Variants in SYNE1 observed in about 807,000 individuals in gnomAD.
SYNE1 encodes the protein nesprin-1.
Under a neutral mutation model 1,111.0 loss-of-function variants are expected in SYNE1, and 616 were observed. The observed-to-expected ratio is 0.55, with a 90% CI of 0.52 to 0.59. The LOEUF (loss-of-function observed/expected upper bound fraction) is 0.59. SYNE1 is among the 20% of genes least tolerant of loss of function. The pLI is 0.00. For synonymous variants in SYNE1, 3,855 were observed against 3,825.8 expected, an observed-to-expected ratio of 1.01 and a Z score of -0.28; for missense variants, 10,006 against 10,417.0, an observed-to-expected ratio of 0.96 and a Z score of 1.72.
In SYNE1 at chr6:152,390,310, T is replaced by C. The variant is rs755463414; in HGVS notation, c.8147A>G (p.Asp2716Gly). 2.0e-5 allele frequency: 32 copies of C among 1,613,998 alleles called. No homozygotes were observed. Among genetic ancestry groups the C allele is most frequent in the Non-Finnish European group, 2.7e-5 (32 of 1,180,006 alleles). The change falls in exon 53 of 146, where the codon GAC becomes GGC. Residue 2716 changes from aspartate (D) to glycine (G), a missense_variant. By Grantham distance (94) the Asp-to-Gly change is moderately conservative. This residue lies in a region of SYNE1 where 4,955 missense variants were observed against 5,017.2 expected (regional missense o/e 0.99). Coordinates refer to ENST00000367255, the MANE Select transcript of SYNE1 (RefSeq NM_182961.4). Reference sequence around the variant, plus strand: ...AGCGTGGACGGAGGAGCTCATGATGTCAGCCCACACTTCTTTAAGGGTCTC... The same window carrying C: ...AGCGTGGACGGAGGAGCTCATGATGCCAGCCCACACTTCTTTAAGGGTCTC... ...QLETLKEVWA[D>G]IMSSSVHAQS...
Position 152,436,023 on chromosome 6 carries a change from G to A in SYNE1, c.4228C>T (p.Pro1410Ser), listed in dbSNP as rs767071226. 1 of 1,613,916 alleles carries A rather than the reference G, an allele frequency of 6.2e-7. No individual in the cohort carries two copies. The highest frequency in any genetic ancestry group is 8.5e-7 in the Non-Finnish European group (1 of 1,180,024). ...TGTTGAAGCAGCTGCTTATTTTGGG[G>A]CCCAAGCGGTATCTCTGAAGCTTCC... ...VKEASEIPLG[P>S]QNKQLLQQQA... Residue 1410 changes from proline to serine, a missense_variant, in exon 33 of 146, where the codon CCC (proline) becomes TCC (serine). Transcript: ENST00000367255.
intron 128 of SYNE1, among the ~76,000 whole-genome samples, chr6:152,186,491 G>T (rs1291374932): frequency 6.0e-5 from 8 of 134,346 alleles, no homozygotes; most frequent in African/African-American, 1.9e-4. Context: ...AGGAGGTGGA[G>T]TCTGCGGTGA....
chr6:152,587,547 C>G (rs1004152192), intron 3 of SYNE1, among the ~76,000 whole-genome samples: 1 of 152,126 alleles, frequency 6.6e-6, no homozygotes, highest in Non-Finnish European at 1.5e-5. Flanking sequence ...AATGAAAAAA[C>G]TAATGAAAAA....
chr6:152,241,847 G>A (rs1247414366), intron 107 of SYNE1, among the ~76,000 whole-genome samples: 1 of 152,084 alleles, frequency 6.6e-6, no homozygotes, highest in African/African-American at 2.4e-5. Context: ...GGGACCAGGT[G>A]GACAAATGGG....
chr6:152,516,959 G>A (rs1594483789), intron 6 of SYNE1, among the ~76,000 whole-genome samples: 2 of 152,158 alleles, frequency 1.3e-5, no homozygotes, highest in South Asian at 2.1e-4. Flanking sequence ...AGGGTGAGCA[G>A]AAAGAAGAGA....
At chr6:152,212,408 T>C (rs932309704) in intron 123 of SYNE1, among the ~76,000 whole-genome samples, 4 of 152,192 alleles carry the variant, frequency 2.6e-5, no homozygotes, top group Non-Finnish European at 5.9e-5. Flanking sequence ...TTTCTTTCCC[T>C]TGGCATAATG....
intron 117 of SYNE1, among the ~76,000 whole-genome samples, chr6:152,223,199 T>C (rs1410983805): frequency 6.6e-6 from 1 of 152,238 alleles, no homozygotes. Context: ...AGTTATAAGA[T>C]GTGCTTTTAA....
At chr6:152,256,865 C>A in intron 101 of SYNE1, 100 bp from the exon 102 acceptor site, 1 of 1,553,888 alleles carries the variant, frequency 6.4e-7, no homozygotes, top group Non-Finnish European at 8.8e-7. Flanking sequence ...AAACACTGTC[C>A]ATATGAAAAT....
intron 101 of SYNE1, among the ~76,000 whole-genome samples, chr6:152,259,544 G>C (rs973690329): frequency 6.6e-6 from 1 of 152,132 alleles, no homozygotes; most frequent in Non-Finnish European, 1.5e-5. Context: ...GAAAGAGGAG[G>C]GACTTAGGTA....
chr6:152,353,456 G>A (rs2096777267), intron 68 of SYNE1, 23 bp from the exon 69 acceptor site: 2 of 1,614,044 alleles, frequency 1.2e-6, no homozygotes, highest in Non-Finnish European at 1.7e-6. Flanking sequence ...AGAGAAAATT[G>A]AATGGTGAAG....
intron 128 of SYNE1, among the ~76,000 whole-genome samples, chr6:152,185,998 C>T (rs1299602884): frequency 6.6e-6 from 1 of 152,128 alleles, no homozygotes; most frequent in Non-Finnish European, 1.5e-5. Context: ...GAATCGATGC[C>T]ATAATGTCTT....
At chr6:152,263,830 C>T (rs897170118) in intron 100 of SYNE1, among the ~76,000 whole-genome samples, 1 of 152,058 alleles carries the variant, frequency 6.6e-6, no homozygotes, top group South Asian at 2.1e-4. Flanking sequence ...ATAGTATCTA[C>T]CTTGCATGAT....
chr6:152,123,890 T>C (rs2052360822), intron 145 of SYNE1, among the ~76,000 whole-genome samples: 1 of 152,230 alleles, frequency 6.6e-6, no homozygotes, highest in Non-Finnish European at 1.5e-5. Flanking sequence ...TATTACCTAT[T>C]AATTTCTGAA....
At chr6:152,344,013 C>G in intron 74 of SYNE1, 68 bp downstream of exon 74, 1 of 1,605,298 alleles carries the variant, frequency 6.2e-7, no homozygotes, top group Non-Finnish European at 8.5e-7. Context: ...ATCATAGGTA[C>G]TTCACACATT....
At chr6:152,534,692 T>C (rs1311692121) in intron 4 of SYNE1, among the ~76,000 whole-genome samples, 2 of 152,192 alleles carry the variant, frequency 1.3e-5, no homozygotes, top group Non-Finnish European at 2.9e-5. Flanking sequence ...TCTGAGCTCA[T>C]TAATAGTCTC....
chr6:152,381,388 C>CTG, intron 55 of SYNE1, 26 bp from the exon 56 acceptor site: 1 of 1,607,788 alleles, frequency 6.2e-7, no homozygotes, highest in South Asian at 1.1e-5. Flanking sequence ...ACCATGGTAA[C>CTG]TGAAGAGCCT....
At position 152,310,430 on chromosome 6, in the gene SYNE1, C is replaced by G. The variant is rs144895914; in HGVS notation, c.16985G>C (p.Arg5662Pro). Reference protein sequence around the residue: ...QATLTSPEVGRLSLKEQLSHR... With the variant: ...QATLTSPEVGPLSLKEQLSHR... ...AGAGAGCTGCTCCTTGAGACTGAGA[C>G]GTCCAACTTCTGGAGAAGTCAGTGT... Residue 5662 changes from arginine to proline, a missense_variant, in exon 89 of 146, where the codon CGT becomes CCT. By Grantham distance (103) the Arg-to-Pro change is moderately radical (BLOSUM62 -2). Coordinates refer to ENST00000367255, the MANE Select transcript of SYNE1 (RefSeq NM_182961.4). 1.4e-5 allele frequency: 22 copies of G among 1,614,192 alleles called. No homozygotes were observed. Among genetic ancestry groups the G allele is most frequent in the Non-Finnish European group, 1.9e-5 (22 of 1,180,032 alleles).
intron 76 of SYNE1, among the ~76,000 whole-genome samples, chr6:152,334,903 C>T (rs1231169915): frequency 6.6e-6 from 1 of 152,146 alleles, no homozygotes; most frequent in Non-Finnish European, 1.5e-5. Context: ...CGGAAACCTT[C>T]CAAATGTCAG....
At chr6:152,279,068 G>C (rs989442427) in intron 97 of SYNE1, among the ~76,000 whole-genome samples, 1 of 151,390 alleles carries the variant, frequency 6.6e-6, no homozygotes, top group Admixed American at 6.6e-5. Context: ...ACTGTGTCTG[G>C]TGACTTTTAA....
Sources: allele counts gnomAD v4.1 joint callset (sites outside exome capture counted in the v4.1 genomes callset), GRCh38; gene constraint gnomAD v4.1.1; regional missense constraint gnomAD v4.1.1; transcripts MANE v1.5; gene names NCBI Gene and HGNC (gene_info 2026-07-23, HGNC 2026-07-21).